Variants in RBFOX1 observed in about 807,000 individuals in gnomAD.
RBFOX1 encodes the protein RNA binding fox-1 homolog 1, also known as RNA binding protein fox-1 homolog 1.
In RBFOX1, 8 loss-of-function variants were observed where a neutral mutation model predicts 57.7. The observed-to-expected ratio is 0.14, with a 90% confidence interval of 0.08 to 0.25. The LOEUF is 0.25. Ranked by LOEUF, RBFOX1 falls within the 10% of genes least tolerant of loss-of-function variation. The pLI, the probability that RBFOX1 is intolerant of heterozygous loss-of-function variation, is 1.00. For missense variants in RBFOX1, 611 were observed against 548.5 expected, an observed-to-expected ratio of 1.11 and a Z score of -1.14; for synonymous variants, 326 against 222.4, an observed-to-expected ratio of 1.47 and a Z score of -4.15.
intron 4 of RBFOX1, among the ~76,000 whole-genome samples, chr16:5,986,433 C>G (rs1184491633): frequency 6.6e-6 from 1 of 152,184 alleles, no homozygotes; most frequent in Non-Finnish European, 1.5e-5. Flanking sequence ...TACACTTTAC[C>G]CAGTTTCTCC....
chr16:5,600,866 T>C (rs899502693), downstream of RBFOX1, among the ~76,000 whole-genome samples: 6 of 152,192 alleles, frequency 3.9e-5, no homozygotes, highest in African/African-American at 1.4e-4. Context: ...CTCTGTTCTT[T>C]TAACATCCTC....
At chr16:6,870,309 TACTGAAATTCAGC>T (rs2060648123) in intron 3 of RBFOX1, among the ~76,000 whole-genome samples, 1 of 152,140 alleles carries the variant, frequency 6.6e-6, no homozygotes. Context: ...TTGTCAGCAC[TACTGAAATTCAGC>T]ACTGCTAGGA....
chr16:5,255,334 A>ATCCATCCATCCC (rs1555468909), intron 1 of RBFOX1, among the ~76,000 whole-genome samples: 1 of 137,018 alleles, frequency 7.3e-6, no homozygotes, highest in Non-Finnish European at 1.6e-5. Flanking sequence ...CCATCCATCC[A>ATCCATCCATCCC]TCCATCCATC....
chr16:6,858,297 T>A lies in RBFOX1; in HGVS notation c.-15-193760T>A, dbSNP rs1230559193. On this transcript the variant is annotated intron_variant, in intron 3 of 15. Transcript: ENST00000550418. ...GTTTCAGAGGTCTTCCCTCTCTGTG[T>A]TGAGAGACTAGATTAGGATATCTAG... Among the ~76,000 whole-genome samples, 3 of 152,178 alleles carry A rather than the reference T, an allele frequency of 2.0e-5. No individual in the cohort carries two copies. In the East Asian group the frequency reaches 5.8e-4, roughly 29 times the overall value.
chr16:7,645,306 A>C (rs1377548105), intron 11 of RBFOX1, among the ~76,000 whole-genome samples: 2 of 152,192 alleles, frequency 1.3e-5, no homozygotes, highest in East Asian at 3.9e-4. Flanking sequence ...TTAATTAATC[A>C]GGGCTGTGTC....
At chr16:7,484,482 A>G (rs2064858245) in intron 4 of RBFOX1, among the ~76,000 whole-genome samples, 1 of 152,130 alleles carries the variant, frequency 6.6e-6, no homozygotes, top group South Asian at 2.1e-4. Context: ...TTTATTTTTT[A>G]GACAGAGTCT....
chr16:6,222,638 CAGTG>C (rs2097383104), intron 1 of RBFOX1, among the ~76,000 whole-genome samples: 1 of 950 alleles, frequency 1.1e-3, no homozygotes, highest in Non-Finnish European at 0.014. Context: ...GACTGTGATT[CAGTG>C]ATTCAGTAGG....
At position 7,214,367 on chromosome 16, in the gene RBFOX1, G is replaced by A. The variant is rs368559590; in HGVS notation, c.27+162269G>A. Among the ~76,000 whole-genome samples, 71 of 152,116 alleles carry A rather than the reference G, an allele frequency of 4.7e-4. 1 individual carries two copies. In the South Asian group the frequency reaches 0.014, roughly 31 times the overall value. On this transcript the variant is annotated intron_variant, in intron 4 of 15. Coordinates refer to ENST00000550418, the MANE Select transcript of RBFOX1 (RefSeq NM_018723.4). ...CCCTACTTTAGCAGATGGCATGATC[G>A]GGGTGCTCAAGCTAAACACTTCTTT...
intron 3 of RBFOX1, among the ~76,000 whole-genome samples, chr16:5,679,416 A>G (rs147624624): frequency 0.021 from 3,230 of 152,040 alleles, 57 homozygotes; most frequent in South Asian, 0.049. Flanking sequence ...TACATGTGCC[A>G]TGGTGGTTTG....
intron 4 of RBFOX1, among the ~76,000 whole-genome samples, chr16:7,352,806 C>T (rs1457974553): frequency 6.6e-6 from 1 of 152,124 alleles, no homozygotes; most frequent in East Asian, 1.9e-4. Context: ...GCTTCGACCT[C>T]TTGGGTTCAG....
intron 1 of RBFOX1, among the ~76,000 whole-genome samples, chr16:6,155,849 G>C (rs1368092569): frequency 1.3e-5 from 2 of 152,130 alleles, no homozygotes; most frequent in African/African-American, 4.8e-5. Flanking sequence ...TTTCACTCTG[G>C]TGAGAGACTT....
At chr16:6,991,824 C>A (rs1486934217) in intron 3 of RBFOX1, among the ~76,000 whole-genome samples, 2 of 152,112 alleles carry the variant, frequency 1.3e-5, no homozygotes, top group African/African-American at 2.4e-5. Context: ...ACAGGTGTGA[C>A]CCACCAGGCC....
chr16:5,380,395 C>T (rs1039084728), intron 1 of RBFOX1, among the ~76,000 whole-genome samples: 1 of 152,164 alleles, frequency 6.6e-6, no homozygotes, highest in African/African-American at 2.4e-5. Flanking sequence ...AAAATATCCC[C>T]ACAACTCAGC....
intron 1 of RBFOX1, among the ~76,000 whole-genome samples, chr16:6,055,358 T>A (rs2095601741): frequency 6.6e-6 from 1 of 151,866 alleles, no homozygotes; most frequent in Non-Finnish European, 1.5e-5. Flanking sequence ...TTTTCAAGGC[T>A]GAGGAGGGAA....
chr16:5,307,623 C>T (rs1159316299), intron 1 of RBFOX1, among the ~76,000 whole-genome samples: 1 of 152,204 alleles, frequency 6.6e-6, no homozygotes, highest in African/African-American at 2.4e-5. Context: ...ATTGTGCACA[C>T]ATGTGCACAT....
intron 3 of RBFOX1, among the ~76,000 whole-genome samples, chr16:6,681,874 C>A (rs985626304): frequency 1.3e-5 from 2 of 152,172 alleles, no homozygotes; most frequent in Admixed American, 6.5e-5. Context: ...TCCAGTAAAT[C>A]TTTAGTCTCT....
At chr16:6,539,073 C>G (rs889568919) in intron 2 of RBFOX1, among the ~76,000 whole-genome samples, 1 of 151,528 alleles carries the variant, frequency 6.6e-6, no homozygotes. Context: ...GCTGTCTCTG[C>G]AAGGCTGACT....
At chr16:6,838,173 C>A (rs1289332764) in intron 3 of RBFOX1, among the ~76,000 whole-genome samples, 3 of 151,978 alleles carry the variant, frequency 2.0e-5, no homozygotes, top group Non-Finnish European at 2.9e-5. Context: ...TGCTCTACCT[C>A]CCCTTGCCCC....
At chr16:6,055,498 C>T (rs1271350959) in intron 1 of RBFOX1, among the ~76,000 whole-genome samples, 4 of 144,770 alleles carry the variant, frequency 2.8e-5, no homozygotes, top group Non-Finnish European at 4.5e-5. Flanking sequence ...GAGGCTGAGG[C>T]AGGAGAATGG....
Sources: gnomAD v4.1 joint callset for allele counts (sites outside exome capture counted in the v4.1 genomes callset) on GRCh38, gnomAD v4.1.1 for gene constraint, MANE v1.5 for transcripts, NCBI Gene and HGNC (gene_info 2026-07-23, HGNC 2026-07-21) for gene names.